Variants in RP1 observed in about 807,000 individuals in gnomAD.
RP1 encodes the protein oxygen-regulated protein 1.
Under a neutral mutation model 14.8 loss-of-function variants are expected in RP1, and 16 were observed. The observed-to-expected ratio is 1.08, with a 90% CI of 0.73 to 1.65. The LOEUF (loss-of-function observed/expected upper bound fraction) is 1.65. RP1 is among the 40% of genes most tolerant of loss of function. RP1 has a pLI of 0.00. For synonymous variants in RP1, 876 were observed against 883.6 expected, an observed-to-expected ratio of 0.99 and a Z score of 0.15; for missense variants, 2,631 against 2,535.0, an observed-to-expected ratio of 1.04 and a Z score of -0.81.
intron 14 of RP1, among the ~76,000 whole-genome samples, chr8:54,704,278 A>G (rs987320344): frequency 6.6e-6 from 1 of 152,164 alleles, no homozygotes; most frequent in Non-Finnish European, 1.5e-5. Context: ...AGGCCATTAT[A>G]GGGTTATTGA....
At chr8:54,631,783 C>T (rs557071181), downstream of RP1, among the ~76,000 whole-genome samples, 15 of 152,054 alleles carry the variant, frequency 9.9e-5, no homozygotes, top group African/African-American at 2.7e-4. Flanking sequence ...TGCAGGCACA[C>T]GCCACTGCGC....
chr8:54,781,028 A>G, intron 23 of RP1: 1 of 984,204 alleles, frequency 1.0e-6, no homozygotes, highest in Non-Finnish European at 1.2e-6. Context: ...TATCCAAACT[A>G]CTTTAAAAGT....
intron 24 of RP1, among the ~76,000 whole-genome samples, chr8:54,785,134 A>G (rs990801627): frequency 2.6e-5 from 4 of 152,040 alleles, no homozygotes; most frequent in Non-Finnish European, 4.4e-5. Flanking sequence ...CATCACTCCA[A>G]AAAGAAGGCC....
chr8:54,677,960 A>G (rs1365583708), intron 8 of RP1, among the ~76,000 whole-genome samples: 1 of 152,198 alleles, frequency 6.6e-6, no homozygotes, highest in South Asian at 2.1e-4. Context: ...AGAAATTTAT[A>G]CCTTCATGTG....
intron 6 of RP1, among the ~76,000 whole-genome samples, chr8:54,656,791 C>T (rs535176952): frequency 6.7e-6 from 1 of 149,148 alleles, no homozygotes; most frequent in African/African-American, 2.5e-5. Context: ...CTGGCCTCTG[C>T]CTTGGGGGAG....
intron 28 of RP1, among the ~76,000 whole-genome samples, chr8:54,867,720 T>C (rs1315887444): frequency 6.6e-6 from 1 of 152,232 alleles, no homozygotes; most frequent in Admixed American, 6.5e-5. Flanking sequence ...CCTTTGTTTC[T>C]AGATCATGTG....
intron 16 of RP1, among the ~76,000 whole-genome samples, chr8:54,721,644 C>A (rs1808539022): frequency 1.3e-5 from 2 of 152,144 alleles, no homozygotes; most frequent in Admixed American, 1.3e-4. Flanking sequence ...CAAAGCCATT[C>A]TTCTTTACAG....
At chr8:54,663,793 T>C (rs983094735) in exon 7 of RP1, 1 of 1,535,242 alleles carries the variant, frequency 6.5e-7, no homozygotes, top group Admixed American at 2.0e-5. Context: ...AAAAGGGAGA[T>C]ACAGGATCCA....
chr8:54,679,288 T>C (rs1191193284), intron 9 of RP1: 9 of 750,894 alleles, frequency 1.2e-5, no homozygotes, highest in Admixed American at 2.3e-5. Flanking sequence ...TGTACTGCTC[T>C]GCCTTTGAGA....
chr8:54,570,502 T>C (rs947543429), intron 1 of RP1, among the ~76,000 whole-genome samples: 1 of 152,064 alleles, frequency 6.6e-6, no homozygotes, highest in East Asian at 1.9e-4. Context: ...CTAATTTTTA[T>C]ATTTTTAGTA....
At chr8:54,593,319 T>C (rs1805080115) in intron 1 of RP1, among the ~76,000 whole-genome samples, 1 of 152,206 alleles carries the variant, frequency 6.6e-6, no homozygotes, top group Non-Finnish European at 1.5e-5. Context: ...GCCTGTAGTA[T>C]ATTATTAAAG....
intron 20 of RP1, among the ~76,000 whole-genome samples, chr8:54,755,234 C>A (rs1315069954): frequency 6.6e-6 from 1 of 152,134 alleles, no homozygotes; most frequent in Non-Finnish European, 1.5e-5. Context: ...CTTACCTCCT[C>A]GCTTGATTTG....
intron 17 of RP1, among the ~76,000 whole-genome samples, chr8:54,732,607 T>C (rs1387384017): frequency 1.3e-5 from 2 of 152,178 alleles, no homozygotes; most frequent in Admixed American, 6.5e-5. Context: ...CATCCTAAAA[T>C]GTCAGCCATT....
At chr8:54,635,629 A>T (rs1353277438), downstream of RP1, among the ~76,000 whole-genome samples, 1 of 152,184 alleles carries the variant, frequency 6.6e-6, no homozygotes, top group African/African-American at 2.4e-5. Context: ...TTTGAAATTT[A>T]GTCCTACTTT....
At chr8:54,604,085 G>A (rs1805364786) in intron 1 of RP1, among the ~76,000 whole-genome samples, 1 of 152,228 alleles carries the variant, frequency 6.6e-6, no homozygotes, top group South Asian at 2.1e-4. Context: ...TTGAATAGGA[G>A]TGGTGAGAGA....
At chr8:54,660,739 A>G (rs1308563536) in intron 6 of RP1, among the ~76,000 whole-genome samples, 1 of 152,066 alleles carries the variant, frequency 6.6e-6, no homozygotes, top group African/African-American at 2.4e-5. Context: ...CATTTTGCTG[A>G]TGCCCTATGG....
intron 15 of RP1, among the ~76,000 whole-genome samples, chr8:54,713,284 C>T (rs751323162): frequency 6.6e-5 from 10 of 151,842 alleles, no homozygotes; most frequent in Admixed American, 1.3e-4. Context: ...TTGATGTAAT[C>T]GAAATTCAGG....
chr8:54,787,747 C>T (rs1247868393), intron 24 of RP1, among the ~76,000 whole-genome samples: 1 of 152,138 alleles, frequency 6.6e-6, no homozygotes, highest in Non-Finnish European at 1.5e-5. Context: ...TGTGAACTCC[C>T]AGGGCACTTG....
intron 1 of RP1, among the ~76,000 whole-genome samples, chr8:54,564,845 G>T (rs1321596327): frequency 6.6e-6 from 1 of 152,214 alleles, no homozygotes; most frequent in Non-Finnish European, 1.5e-5. Context: ...TGGCAAGGTT[G>T]TTGATTTCAG....
Sources: allele counts gnomAD v4.1 joint callset (sites outside exome capture counted in the v4.1 genomes callset), GRCh38; gene constraint gnomAD v4.1.1; transcripts MANE v1.5; gene names NCBI Gene and HGNC (gene_info 2026-07-23, HGNC 2026-07-21).